Variants in CHN1 observed in about 807,000 individuals in gnomAD.
CHN1 encodes N-chimaerin.
In CHN1, 37 loss-of-function variants were observed where a neutral mutation model predicts 59.5. The ratio of observed to expected loss-of-function variants is 0.62; its 90% CI spans 0.48 to 0.82. CHN1 has a LOEUF of 0.82. Ranked by LOEUF, CHN1 falls within the 40% of genes least tolerant of loss-of-function variation. The pLI is 0.00. For missense variants in CHN1, 469 were observed against 571.0 expected (o/e 0.82, Z 1.82); for synonymous variants, 206 against 200.4 (o/e 1.03, Z -0.24).
At chr2:174,801,462 C>A (rs1684718773) in intron 12 of CHN1, among the ~76,000 whole-genome samples, 1 of 152,194 alleles carries the variant, frequency 6.6e-6, no homozygotes, top group Admixed American at 6.5e-5. Flanking sequence ...GTATTTCTAG[C>A]ATATCTGAAA....
chr2:174,851,858 G>A (rs1200296803), intron 6 of CHN1, among the ~76,000 whole-genome samples: 1 of 152,148 alleles, frequency 6.6e-6, no homozygotes, highest in African/African-American at 2.4e-5. Flanking sequence ...CCTTAAATTA[G>A]ACTCTGGCAA....
At chr2:174,989,542 T>C (rs1405873987) in intron 1 of CHN1, among the ~76,000 whole-genome samples, 1 of 152,006 alleles carries the variant, frequency 6.6e-6, no homozygotes, top group East Asian at 1.9e-4. Flanking sequence ...AATTACACTT[T>C]GAAGGTTCCT....
At chr2:174,942,757 G>A (rs1689703104) in intron 3 of CHN1, among the ~76,000 whole-genome samples, 1 of 151,952 alleles carries the variant, frequency 6.6e-6, no homozygotes, top group African/African-American at 2.4e-5. Context: ...TTTTTAAAAA[G>A]CAACTTAAAA....
At chr2:174,844,006 T>G (rs982153476) in intron 7 of CHN1, among the ~76,000 whole-genome samples, 6 of 151,886 alleles carry the variant, frequency 4.0e-5, no homozygotes, top group African/African-American at 1.5e-4. Flanking sequence ...TATGTTGTAT[T>G]AGGATGAGGT....
intron 3 of CHN1, among the ~76,000 whole-genome samples, chr2:174,921,410 A>G (rs984917946): frequency 6.6e-6 from 1 of 152,086 alleles, no homozygotes; most frequent in African/African-American, 2.4e-5. Context: ...CCTTGACTCC[A>G]TGTAAGAGTT....
intron 3 of CHN1, among the ~76,000 whole-genome samples, chr2:174,930,958 C>A (rs1480157449): frequency 6.6e-6 from 1 of 151,958 alleles, no homozygotes; most frequent in Non-Finnish European, 1.5e-5. Flanking sequence ...TCAGTAGAGA[C>A]AGGGTTTCAC....
chr2:174,891,293 C>G (rs542627144), intron 5 of CHN1, among the ~76,000 whole-genome samples: 1 of 151,572 alleles, frequency 6.6e-6, no homozygotes, highest in Admixed American at 6.6e-5. Context: ...GAAAATAGGC[C>G]GGGAGCGGTG....
intron 3 of CHN1, among the ~76,000 whole-genome samples, chr2:174,941,151 A>G (rs925384914): frequency 2.6e-5 from 4 of 152,104 alleles, no homozygotes; most frequent in Admixed American, 2.0e-4. Context: ...GAAACTTTCA[A>G]ATAGGCTCCT....
chr2:174,806,459 C>T (rs952863126), intron 11 of CHN1, among the ~76,000 whole-genome samples: 3 of 152,086 alleles, frequency 2.0e-5, no homozygotes, highest in Non-Finnish European at 4.4e-5. Context: ...AGAATATATC[C>T]GCATTAGGAA....
intron 3 of CHN1, among the ~76,000 whole-genome samples, chr2:174,938,189 T>C (rs1317861679): frequency 6.6e-6 from 1 of 152,210 alleles, no homozygotes; most frequent in Non-Finnish European, 1.5e-5. Flanking sequence ...CAAATGGTAC[T>C]TGAGTACATC....
At chr2:174,807,810 A>G (rs766974585) in intron 11 of CHN1, among the ~76,000 whole-genome samples, 7 of 152,184 alleles carry the variant, frequency 4.6e-5, no homozygotes, top group Non-Finnish European at 7.4e-5. Context: ...ACAAAGAAAG[A>G]TTGTACTTCA....
At chr2:174,921,344 C>T (rs1344940282) in intron 3 of CHN1, among the ~76,000 whole-genome samples, 1 of 152,124 alleles carries the variant, frequency 6.6e-6, no homozygotes, top group Non-Finnish European at 1.5e-5. Context: ...TTTTCCCTAC[C>T]CTCTCTCCGA....
chr2:174,916,667 A>G (rs1688857124), intron 4 of CHN1, among the ~76,000 whole-genome samples: 1 of 152,176 alleles, frequency 6.6e-6, no homozygotes, highest in Admixed American at 6.5e-5. Context: ...AACAGTTCAC[A>G]GTAGGCATGT....
chr2:174,910,546 C>T (rs543741602), intron 5 of CHN1, among the ~76,000 whole-genome samples: 13 of 152,092 alleles, frequency 8.5e-5, no homozygotes, highest in Admixed American at 2.6e-4. Flanking sequence ...GAAAAGTAAA[C>T]AGCCATTAGG....
intron 7 of CHN1, among the ~76,000 whole-genome samples, chr2:174,826,459 T>G (rs563172227): frequency 6.6e-6 from 1 of 152,306 alleles, no homozygotes; most frequent in African/African-American, 2.4e-5. Context: ...GCAAACTCAC[T>G]TATAGGTTGC....
At chr2:174,897,079 G>A (rs1466366585) in intron 5 of CHN1, among the ~76,000 whole-genome samples, 2 of 152,112 alleles carry the variant, frequency 1.3e-5, no homozygotes, top group African/African-American at 4.8e-5. Flanking sequence ...TAAAATTGGT[G>A]TATTCTCTGT....
intron 1 of CHN1, among the ~76,000 whole-genome samples, chr2:175,000,328 G>A (rs146936285): frequency 6.6e-6 from 1 of 151,454 alleles, no homozygotes; most frequent in Non-Finnish European, 1.5e-5. Flanking sequence ...TTTTAGTAGA[G>A]ACATGGTTTT....
intron 6 of CHN1, among the ~76,000 whole-genome samples, chr2:174,848,172 A>G (rs1199414823): frequency 6.6e-6 from 1 of 152,208 alleles, no homozygotes; most frequent in East Asian, 1.9e-4. Context: ...GTTGTGGGCT[A>G]CACTTACATA....
At chr2:174,913,657 T>C (rs1312377654) in intron 5 of CHN1, among the ~76,000 whole-genome samples, 1 of 152,200 alleles carries the variant, frequency 6.6e-6, no homozygotes, top group Admixed American at 6.5e-5. Flanking sequence ...ACAAGCTCTA[T>C]TCTCCAAGTA....
Sources: gnomAD v4.1 joint callset for allele counts (sites outside exome capture counted in the v4.1 genomes callset) on GRCh38, gnomAD v4.1.1 for gene constraint, MANE v1.5 for transcripts, NCBI Gene and HGNC (gene_info 2026-07-23, HGNC 2026-07-21) for gene names.